HS6ST3: variants seen among roughly 807,000 people sequenced by gnomAD.
HS6ST3 encodes the protein heparan-sulfate 6-O-sulfotransferase 3.
In HS6ST3, 12 loss-of-function variants were observed where a neutral mutation model predicts 36.7. The observed-to-expected ratio is 0.33, with a 90% CI of 0.21 to 0.53. The LOEUF is 0.53. Among genes scored for constraint, HS6ST3 ranks in the 20% least tolerant of loss-of-function variants. The pLI is 0.95. For missense variants in HS6ST3, 584 were observed against 640.9 expected (o/e 0.91, Z 0.96); for synonymous variants, 240 against 257.5 (o/e 0.93, Z 0.65).
chr13:96,369,960 G>A (rs2139440368), intron 1 of HS6ST3, among the ~76,000 whole-genome samples: 1 of 152,126 alleles, frequency 6.6e-6, no homozygotes, highest in South Asian at 2.1e-4. Flanking sequence ...GTTAGTGGAT[G>A]GCTTGAAGCC....
At chr13:96,138,646 A>G (rs1333760465) in intron 1 of HS6ST3, among the ~76,000 whole-genome samples, 3 of 152,038 alleles carry the variant, frequency 2.0e-5, no homozygotes, top group African/African-American at 7.2e-5. Flanking sequence ...CCCATCAACC[A>G]CAAATCAGAT....
At chr13:96,456,004 T>C (rs2055752901) in intron 1 of HS6ST3, among the ~76,000 whole-genome samples, 1 of 152,248 alleles carries the variant, frequency 6.6e-6, no homozygotes, top group Admixed American at 6.5e-5. Context: ...GGTACAGTGA[T>C]GAAGCTATGC....
intron 1 of HS6ST3, among the ~76,000 whole-genome samples, chr13:96,799,938 G>GTGTGTGTATATATATATATATATA (rs1878004004): frequency 2.1e-5 from 2 of 97,040 alleles, no homozygotes; most frequent in Admixed American, 1.1e-4. Flanking sequence ...ATACATATAT[G>GTGTGTGTATATATATATATATATA]TGTGTGTATA....
At chr13:96,454,745 T>C (rs887004314) in intron 1 of HS6ST3, among the ~76,000 whole-genome samples, 3 of 151,918 alleles carry the variant, frequency 2.0e-5, no homozygotes, top group South Asian at 2.1e-4. Flanking sequence ...CCTCAGATCA[T>C]GAGGATGGTG....
chr13:96,194,390 A>G (rs536268374), intron 1 of HS6ST3, among the ~76,000 whole-genome samples: 450 of 152,284 alleles, frequency 3.0e-3, no homozygotes, highest in Non-Finnish European at 5.2e-3. Flanking sequence ...TCAGGGAAGT[A>G]TGGAGGTCTC....
intron 1 of HS6ST3, among the ~76,000 whole-genome samples, chr13:96,252,731 G>A (rs1357199922): frequency 2.0e-5 from 3 of 152,046 alleles, no homozygotes; most frequent in Admixed American, 6.5e-5. Context: ...AGGTGTTTGG[G>A]TCATGGGGAT....
rs2054627125 is a variant in HS6ST3, at chr13:96,254,497, ATACACATACATACAC to A, written c.707+162929_707+162943del. On this transcript the variant is annotated intron_variant, in intron 1 of 1. Transcript: ENST00000376705. ...TATATATATATATATATATATATAT[ATACACATACATACAC>A]ACACACACTTTTTTCTTTTCACACT... Among the ~76,000 whole-genome samples the A allele has an allele frequency of 8.2e-5, 2 of 24,430 alleles. 1 individual carries two copies. Among genetic ancestry groups the A allele is most frequent in the Non-Finnish European group, 1.7e-4 (2 of 11,436 alleles). The allele number at this position is 24,430 out of a possible 152,430, so 16.0% of individuals were successfully genotyped here.
rs564282505 is a variant in HS6ST3 at position 96,522,604 on chromosome 13, T to A, written c.708-309886T>A. Among the ~76,000 whole-genome samples, 6 of 152,320 alleles carry A rather than the reference T, an allele frequency of 3.9e-5. No homozygotes were observed. The East Asian group carries it at 1.2e-3, about 29-fold the overall frequency. ...AATTTATCCCTTTACCATTATGTAA[T>A]GGCCTTTTTTGTCTCTTTTGACCTT... On this transcript the variant is annotated intron_variant, in intron 1 of 1. Transcript: ENST00000376705.
intron 1 of HS6ST3, among the ~76,000 whole-genome samples, chr13:96,218,598 A>G (rs916681666): frequency 7.9e-5 from 12 of 152,204 alleles, no homozygotes; most frequent in Non-Finnish European, 1.5e-4. Flanking sequence ...ATTTAAAAGC[A>G]TAAGCCAGTA....
At chr13:96,403,092 A>G (rs1259372294) in intron 1 of HS6ST3, among the ~76,000 whole-genome samples, 3 of 152,226 alleles carry the variant, frequency 2.0e-5, no homozygotes, top group Non-Finnish European at 4.4e-5. Context: ...TCTAGTGGAC[A>G]TGAAGAGGAT....
intron 1 of HS6ST3, among the ~76,000 whole-genome samples, chr13:96,605,878 CA>C (rs1232651452): frequency 8.4e-6 from 1 of 119,178 alleles, no homozygotes; most frequent in Admixed American, 8.3e-5. Flanking sequence ...AAGGAATTAA[CA>C]AGCAAAAAAA....
chr13:96,138,926 T>G (rs565019514), intron 1 of HS6ST3, among the ~76,000 whole-genome samples: 1 of 152,264 alleles, frequency 6.6e-6, no homozygotes, highest in African/African-American at 2.4e-5. Flanking sequence ...TTTCTGGGTA[T>G]GCATGATTAT....
At chr13:96,282,819 A>G (rs1383578203) in intron 1 of HS6ST3, among the ~76,000 whole-genome samples, 1 of 152,176 alleles carries the variant, frequency 6.6e-6, no homozygotes, top group Non-Finnish European at 1.5e-5. Flanking sequence ...TTCCTCAGTA[A>G]GGTTGCTTTC....
chr13:96,147,522 G>T (rs997393210), intron 1 of HS6ST3, among the ~76,000 whole-genome samples: 10 of 152,232 alleles, frequency 6.6e-5, no homozygotes, highest in Non-Finnish European at 1.5e-4. Flanking sequence ...TCTTCTGGGA[G>T]TTTGCACATC....
intron 1 of HS6ST3, among the ~76,000 whole-genome samples, chr13:96,779,042 C>A (rs557613777): frequency 2.1e-4 from 32 of 152,162 alleles, no homozygotes; most frequent in South Asian, 1.5e-3. Context: ...AGCTGGAAAC[C>A]ATCATTCTCA....
chr13:96,261,064 A>G (rs2054664228), intron 1 of HS6ST3, among the ~76,000 whole-genome samples: 2 of 152,108 alleles, frequency 1.3e-5, no homozygotes, highest in Non-Finnish European at 2.9e-5. Flanking sequence ...ATATTTGGTC[A>G]TATTATTTTT....
At chr13:96,463,016 T>A (rs1220564553) in intron 1 of HS6ST3, among the ~76,000 whole-genome samples, 3 of 152,174 alleles carry the variant, frequency 2.0e-5, no homozygotes, top group African/African-American at 7.2e-5. Flanking sequence ...CCAAAATGGA[T>A]GGAGAGCTAT....
chr13:96,182,485 G>T (rs1311590128), intron 1 of HS6ST3, among the ~76,000 whole-genome samples: 6 of 152,154 alleles, frequency 3.9e-5, no homozygotes, highest in Admixed American at 3.3e-4. Context: ...ATATTCATGG[G>T]TAATATTCTT....
At chr13:96,322,894 C>T (rs2055011420) in intron 1 of HS6ST3, among the ~76,000 whole-genome samples, 2 of 152,314 alleles carry the variant, frequency 1.3e-5, no homozygotes, top group African/African-American at 4.8e-5. Flanking sequence ...CACACAATAT[C>T]AGTTCCTTCA....
Sources: allele counts gnomAD v4.1 joint callset (sites outside exome capture counted in the v4.1 genomes callset), GRCh38; gene constraint gnomAD v4.1.1; transcripts MANE v1.5; gene names NCBI Gene and HGNC (gene_info 2026-07-23, HGNC 2026-07-21).